Variants in GABBR2 observed in about 807,000 individuals in gnomAD.
GABBR2 encodes the protein gamma-aminobutyric acid type B receptor subunit 2, also known as G-protein coupled receptor 51.
A neutral mutation model predicts 105.6 loss-of-function variants in GABBR2; 23 were observed. The ratio of observed to expected loss-of-function variants is 0.22; its 90% CI spans 0.16 to 0.31. GABBR2 has a LOEUF of 0.31. Among genes scored for constraint, GABBR2 ranks in the 10% least tolerant of loss-of-function variants. The pLI is 1.00. For missense variants in GABBR2, 734 were observed against 1,245.5 expected (o/e 0.59, Z 6.18); for synonymous variants, 478 against 499.7 (o/e 0.96, Z 0.58).
At chr9:98,610,643 C>G (rs538925431) in intron 1 of GABBR2, among the ~76,000 whole-genome samples, 1 of 152,108 alleles carries the variant, frequency 6.6e-6, no homozygotes, top group Non-Finnish European at 1.5e-5. Context: ...TGGAACCCTG[C>G]AGACCCAAGT....
chr9:98,481,616 T>C (rs1008390885), intron 4 of GABBR2, among the ~76,000 whole-genome samples: 1 of 152,136 alleles, frequency 6.6e-6, no homozygotes, highest in African/African-American at 2.4e-5. Flanking sequence ...AAACCATGGG[T>C]GGCCTCTGGT....
At chr9:98,624,628 C>T (rs572099696) in intron 1 of GABBR2, among the ~76,000 whole-genome samples, 2 of 151,760 alleles carry the variant, frequency 1.3e-5, no homozygotes, top group Admixed American at 1.3e-4. Context: ...CTGCTGGTAG[C>T]AGCCAAGGAA....
intron 2 of GABBR2, among the ~76,000 whole-genome samples, chr9:98,558,454 CATTT>C (rs1350302917): frequency 6.6e-6 from 1 of 152,134 alleles, no homozygotes; most frequent in Non-Finnish European, 1.5e-5. Flanking sequence ...CCATGGGTGC[CATTT>C]ATTTATGTGC....
intron 12 of GABBR2, among the ~76,000 whole-genome samples, chr9:98,363,727 A>G (rs993700389): frequency 6.6e-6 from 1 of 152,198 alleles, no homozygotes; most frequent in African/African-American, 2.4e-5. Flanking sequence ...GAAAGAATAT[A>G]AAAAGAAGAA....
chr9:98,333,061 G>A (rs1831055042), intron 13 of GABBR2, among the ~76,000 whole-genome samples: 1 of 152,146 alleles, frequency 6.6e-6, no homozygotes, highest in Non-Finnish European at 1.5e-5. Context: ...GTGGCAACGA[G>A]TCAGACACAA....
intron 18 of GABBR2, among the ~76,000 whole-genome samples, chr9:98,292,795 C>T (rs2131334681): frequency 6.6e-6 from 1 of 152,246 alleles, no homozygotes; most frequent in East Asian, 1.9e-4. Context: ...TCCTGTTCAC[C>T]TTTCATTCAT....
At chr9:98,425,409 G>C (rs1247104053) in intron 7 of GABBR2, among the ~76,000 whole-genome samples, 9 of 152,196 alleles carry the variant, frequency 5.9e-5, no homozygotes, top group Non-Finnish European at 1.3e-4. Context: ...GAGGAGGTCT[G>C]TGCTTGGTAC....
rs1554703982 is a variant in GABBR2 at position 98,422,514 on chromosome 9, G to GTGTGTA, written c.1237-16374_1237-16373insTACACA. 5.2e-3 allele frequency among the ~76,000 whole-genome samples: 793 copies of GTGTGTA among 151,894 alleles called. 10 individuals carry two copies. The highest frequency in any genetic ancestry group is 0.018 in the African/African-American group (733 of 41,324). On this transcript the variant is annotated intron_variant, in intron 7 of 18. Transcript: ENST00000259455. Reference sequence around the variant, plus strand: ...AATGCACCTGTGTGTGTGTGTGTGTGTGTGTGTCTGTGTGTGTGTCTGTGT... The same window carrying GTGTGTA: ...AATGCACCTGTGTGTGTGTGTGTGTGTGTGTATGTGTGTCTGTGTGTGTGTCTGTGT...
intron 2 of GABBR2, among the ~76,000 whole-genome samples, chr9:98,568,323 C>A (rs1228420041): frequency 6.6e-6 from 1 of 152,118 alleles, no homozygotes; most frequent in Non-Finnish European, 1.5e-5. Flanking sequence ...GAAATGGAGA[C>A]AATGATGACA....
At chr9:98,656,519 TCA>T (rs796625081) in intron 1 of GABBR2, among the ~76,000 whole-genome samples, 13 of 152,320 alleles carry the variant, frequency 8.5e-5, no homozygotes, top group African/African-American at 2.2e-4. Flanking sequence ...GTCACTAGTT[TCA>T]AAACTCATTT....
intron 7 of GABBR2, among the ~76,000 whole-genome samples, chr9:98,450,057 G>A (rs368637989): frequency 5.3e-5 from 8 of 152,220 alleles, no homozygotes; most frequent in South Asian, 2.1e-4. Flanking sequence ...CCCAGCTCCC[G>A]GCAGAGAGTG....
intron 1 of GABBR2, among the ~76,000 whole-genome samples, chr9:98,589,554 GAC>G (rs1395911939): frequency 6.6e-6 from 1 of 152,156 alleles, no homozygotes; most frequent in Admixed American, 6.5e-5. Context: ...GAAGGGTAAA[GAC>G]AGTTGAGAGA....
At position 98,708,596 on chromosome 9, in the gene GABBR2, G is replaced by A. The variant is rs763768715; in HGVS notation, c.142C>T (p.Arg48Trp). 13 of 1,436,750 alleles carry A rather than the reference G, an allele frequency of 9.0e-6. No homozygotes were observed. The highest frequency in any genetic ancestry group is 1.5e-5 in the African/African-American group (1 of 68,786). The allele number at this position is 1,436,750 out of a possible 1,614,324, so 89.0% of individuals were successfully genotyped here. A position where few individuals can be genotyped will look rare whatever the true frequency, so the allele number is the denominator to read the frequency against. The change falls in exon 1 of 19, where the codon CGG becomes TGG. Residue 48 changes from arginine to tryptophan, a missense_variant. Around this residue, in one of 7 missense-constraint regions of GABBR2, gnomAD observed 70 missense variants for 73.4 expected, o/e 0.95. Coordinates refer to ENST00000259455, the MANE Select transcript of GABBR2 (RefSeq NM_005458.8). ...AGCGGCGGGCTGCTGGGCGGCGGCC[G>A]GGGGGCGCCCCGCGCCCAGCCCCAG... ...GAWGWARGAP[R>W]PPPSSPPLSI...
At chr9:98,500,630 C>T (rs985231568) in intron 3 of GABBR2, among the ~76,000 whole-genome samples, 5 of 152,226 alleles carry the variant, frequency 3.3e-5, no homozygotes, top group Non-Finnish European at 5.9e-5. Flanking sequence ...CGAAGACATT[C>T]GGCATGGAGA....
chr9:98,486,565 T>TG (rs1827055391), intron 4 of GABBR2, among the ~76,000 whole-genome samples: 8 of 152,190 alleles, frequency 5.3e-5, no homozygotes, highest in Non-Finnish European at 1.2e-4. Context: ...CTGCCACCCA[T>TG]GCATCTGTCT....
In GABBR2 at chr9:98,313,620, C is replaced by G. The variant is rs74800267; in HGVS notation, c.1894-2415G>C. ...CTAAGTAAAGTTGAAGATTCCTTTGCAATCTGTTTGCCACTGGGAGTATAT... is the reference window on the plus strand; with the variant it reads ...CTAAGTAAAGTTGAAGATTCCTTTGGAATCTGTTTGCCACTGGGAGTATAT... On this transcript the variant is annotated intron_variant, in intron 13 of 18. Coordinates refer to ENST00000259455, the MANE Select transcript of GABBR2 (RefSeq NM_005458.8). Among the ~76,000 whole-genome samples the G allele has an allele frequency of 1.1e-3, 166 of 152,292 alleles. 1 individual carries two copies. In the East Asian group the frequency reaches 0.031, roughly 29 times the overall value.
intron 6 of GABBR2, among the ~76,000 whole-genome samples, chr9:98,472,038 A>G (rs1223629614): frequency 6.6e-6 from 1 of 152,312 alleles, no homozygotes; most frequent in Admixed American, 6.5e-5. Context: ...ATTCATGTAG[A>G]GTTGGTTCCA....
At chr9:98,534,210 G>A (rs1230436929) in intron 3 of GABBR2, among the ~76,000 whole-genome samples, 4 of 152,232 alleles carry the variant, frequency 2.6e-5, no homozygotes, top group South Asian at 4.1e-4. Context: ...TTTTGGTCTC[G>A]GGCAGATTAA....
intron 1 of GABBR2, among the ~76,000 whole-genome samples, chr9:98,664,521 G>A (rs1197922168): frequency 6.6e-6 from 1 of 152,172 alleles, no homozygotes; most frequent in African/African-American, 2.4e-5. Context: ...ATCAGAAGCT[G>A]TTTGCATTTA....
Sources: gnomAD v4.1 joint callset for allele counts (sites outside exome capture counted in the v4.1 genomes callset) on GRCh38, gnomAD v4.1.1 for gene constraint, gnomAD v4.1.1 regional missense constraint, MANE v1.5 for transcripts, NCBI Gene and HGNC (gene_info 2026-07-23, HGNC 2026-07-21) for gene names.